ATG4B: variants seen among roughly 807,000 people sequenced by gnomAD.
ATG4B encodes the protein cysteine protease ATG4B.
ATG4B carries 29 observed loss-of-function variants against 56.6 expected under a neutral mutation model. That is an observed-to-expected ratio of 0.51 (90% CI 0.38 to 0.70). ATG4B has a LOEUF of 0.70. Ranked by LOEUF, ATG4B falls within the 30% of genes least tolerant of loss-of-function variation. The pLI is 0.00. For missense variants in ATG4B, 461 were observed against 515.5 expected (o/e 0.89, Z 1.02); for synonymous variants, 224 against 206.1 (o/e 1.09, Z -0.74).
In ATG4B at chr2:241,653,557, G is replaced by A. The variant is rs373742405; in HGVS notation, c.230G>A (p.Arg77Gln). 4 of 1,583,028 alleles carry A rather than the reference G, an allele frequency of 2.5e-6. No homozygotes were observed. Among genetic ancestry groups the A allele is most frequent in the Admixed American group, 1.8e-5 (1 of 55,414 alleles). Residue 77 changes from arginine to glutamine, a missense_variant, in exon 4 of 13, where the codon CGG becomes CAG. Arg to Gln is a conservative substitution (Grantham distance 43). Transcript: ENST00000404914. ...GACACAGGCTGGGGCTGCATGCTGC[G>A]GTGTGGACAGATGATCTTTGCCCAA... ...TSDTGWGCML[R>Q]CGQMIFAQAL... is the part of the protein sequence containing the mutation.
At chr2:241,641,095 G>T (rs142862534) in intron 1 of ATG4B, among the ~76,000 whole-genome samples, 1 of 152,220 alleles carries the variant, frequency 6.6e-6, no homozygotes, top group East Asian at 1.9e-4. Flanking sequence ...CCAGCAAGGA[G>T]ATGCCAGTGG....
In ATG4B at chr2:241,668,341, G is replaced by C. The variant is rs1196485688; in HGVS notation, c.811+120G>C. 7.2e-7 allele frequency: 1 copy of C among 1,394,986 alleles called. No homozygotes were observed. Among genetic ancestry groups the C allele is most frequent in the Non-Finnish European group, 9.9e-7 (1 of 1,008,128 alleles). The allele number at this position is 1,394,986 out of a possible 1,614,324, so 86.4% of individuals were successfully genotyped here. A position where few individuals can be genotyped will look rare whatever the true frequency, so the allele number is the denominator to read the frequency against. ...ACTGGTGGAAAAGCAGCATGCCCTG[G>C]GGTTCATTTTCAGCCTGGTCGCGGG... On this transcript the variant is annotated intron_variant, in intron 9 of 12. Coordinates refer to ENST00000404914, the MANE Select transcript of ATG4B (RefSeq NM_013325.5). The surrounding 1 kb of genome is among the most constrained non-coding windows in gnomAD (Gnocchi z 4.2).
At chr2:241,664,349 T>C (rs1168515967) in intron 7 of ATG4B, among the ~76,000 whole-genome samples, 1 of 151,802 alleles carries the variant, frequency 6.6e-6, no homozygotes, top group Admixed American at 6.6e-5. Context: ...CTAGGTAACA[T>C]GGTAAAACCT....
intron 8 of ATG4B, 135 bp downstream of exon 8, chr2:241,666,973 C>A: frequency 9.5e-7 from 1 of 1,054,556 alleles, no homozygotes; most frequent in Non-Finnish European, 1.4e-6. Flanking sequence ...CCCTGGTTTA[C>A]ACCGTTGCCC....
Position 241,672,221 on chromosome 2 carries a change from T to A in ATG4B, c.1139T>A (p.Phe380Tyr). The change falls in exon 13 of 13, where the codon TTC (phenylalanine) becomes TAC (tyrosine). Residue 380 changes from phenylalanine (F) to tyrosine (Y), a missense_variant. By Grantham distance (22) the Phe-to-Tyr change is conservative. Coordinates refer to ENST00000404914, the MANE Select transcript of ATG4B (RefSeq NM_013325.5). ...TCTGATGTAGAGCGACTGGAAAGAT[T>A]CTTCGACTCAGAAGATGAAGACTTT... is the stretch of plus-strand genomic sequence containing the variant. Reference protein sequence around the residue: ...DSSDVERLERFFDSEDEDFEI... With the variant: ...DSSDVERLERYFDSEDEDFEI... The A allele has an allele frequency of 1.3e-6, 2 of 1,586,680 alleles. No individual in the cohort carries two copies. Among genetic ancestry groups the A allele is most frequent in the South Asian group, 1.2e-5 (1 of 86,862 alleles).
intron 7 of ATG4B, among the ~76,000 whole-genome samples, chr2:241,664,437 C>CT: frequency 6.6e-6 from 1 of 152,160 alleles, no homozygotes; most frequent in East Asian, 1.9e-4. Context: ...ACTCGGGAGT[C>CT]TGAGGTGGGA....
chr2:241,644,957 A>AAG (rs2068018826), intron 1 of ATG4B, among the ~76,000 whole-genome samples: 1 of 152,002 alleles, frequency 6.6e-6, no homozygotes, highest in African/African-American at 2.4e-5. Context: ...CAAAAAAAAA[A>AAG]AAAGAAAGAA....
At position 241,668,717 on chromosome 2, in the gene ATG4B, TTGG is replaced by T. The variant is rs1257916282; in HGVS notation, c.957+35_957+37del. 1 of 1,550,180 alleles carries T rather than the reference TTGG, an allele frequency of 6.5e-7. No homozygotes were observed. Among genetic ancestry groups the T allele is most frequent in the Non-Finnish European group, 8.7e-7 (1 of 1,151,340 alleles). ...GGCGGCCACCTGAGCACACAGGCAT[TTGG>T]TGCTGAATGCTGTTTGGGAATGACG... is the stretch of plus-strand genomic sequence containing the variant. On this transcript the variant is annotated intron_variant, in intron 10 of 12. Coordinates refer to ENST00000404914, the MANE Select transcript of ATG4B (RefSeq NM_013325.5). The surrounding 1 kb of genome is among the most constrained non-coding windows in gnomAD (Gnocchi z 4.2).
chr2:241,650,449 A>G (rs2068195851), intron 1 of ATG4B, among the ~76,000 whole-genome samples: 1 of 152,050 alleles, frequency 6.6e-6, no homozygotes, highest in Non-Finnish European at 1.5e-5. Flanking sequence ...CTTGCCCCGG[A>G]GCATCTGCCT....
rs538518062 is a variant in ATG4B, at chr2:241,653,290, G to C, written c.185-222G>C. On this transcript the variant is annotated intron_variant, in intron 3 of 12. Transcript: ENST00000404914. ...TGCTCCGTGACTGACTTGTTCATGT[G>C]TTTTGCCCATTTTGAGGAGGTTGTC... The C allele has an allele frequency of 2.0e-6, 3 of 1,523,196 alleles. No individual in the cohort carries two copies. The South Asian group carries it at 3.6e-5, about 18-fold the overall frequency. 94.4% of individuals were successfully genotyped at this position (1,523,196 alleles called of 1,614,324 possible).
intron 8 of ATG4B, 45 bp downstream of exon 8, chr2:241,666,883 C>G (rs990302503): frequency 4.6e-6 from 7 of 1,522,818 alleles, no homozygotes; most frequent in Non-Finnish European, 4.4e-6. Context: ...CCGTCCCCTT[C>G]TCCCAGTTCT....
intron 7 of ATG4B, chr2:241,659,636 C>T (rs1416410998): frequency 6.3e-6 from 2 of 317,240 alleles, no homozygotes; most frequent in Admixed American, 4.8e-5. Flanking sequence ...TGCTGCAACC[C>T]TGAAGGAACC....
intron 7 of ATG4B, 126 bp downstream of exon 7, chr2:241,659,313 C>G: frequency 2.4e-6 from 2 of 834,214 alleles, no homozygotes; most frequent in Non-Finnish European, 4.0e-6. Context: ...TGCAGGTGCT[C>G]CGTGGGGCCT....
intron 1 of ATG4B, among the ~76,000 whole-genome samples, chr2:241,643,814 T>C (rs1374494414): frequency 6.6e-6 from 1 of 151,354 alleles, no homozygotes; most frequent in Non-Finnish European, 1.5e-5. Context: ...CCACCCACCT[T>C]GGCCTCCTAA....
In ATG4B at chr2:241,666,688, G is replaced by A. The variant is rs569190687; in HGVS notation, c.582G>A (p.Ala194=). The A allele has an allele frequency of 5.0e-5, 81 of 1,613,408 alleles. 2 individuals carry two copies. In the East Asian group the frequency reaches 1.1e-3, roughly 22 times the overall value. The change falls in exon 8 of 13, where the codon GCG becomes GCA. Residue 194 remains alanine (A), a synonymous_variant. Coordinates refer to ENST00000404914, the MANE Select transcript of ATG4B (RefSeq NM_013325.5). Reference sequence around the variant, plus strand: ...GCGTTCCCTGTGCAGGCGCCACTGCGTTTCCTGCAGATTCCGACCGGCACT... The same window carrying A: ...GCGTTCCCTGTGCAGGCGCCACTGCATTTCCTGCAGATTCCGACCGGCACT... ...RTSVPCAGAT[A]FPADSDRHCN...
intron 12 of ATG4B, chr2:241,671,977 T>A (rs2068991444): frequency 1.4e-6 from 2 of 1,409,342 alleles, no homozygotes; most frequent in Non-Finnish European, 1.8e-6. Context: ...GGCCGCCCCC[T>A]GCCCTCCTCA....
Position 241,673,312 on chromosome 2 carries a change from TC to T in ATG4B, c.*1051del, listed in dbSNP as rs1366705361. On this transcript the variant is annotated 3_prime_UTR_variant, in exon 13 of 13. Coordinates refer to ENST00000404914, the MANE Select transcript of ATG4B (RefSeq NM_013325.5). ...CCGCCTGACCCTGTGTAACCTGCTG[TC>T]CCGGGTCCCAGAGTGCACTCTGCCC... 6 of 350,136 alleles carry T rather than the reference TC, an allele frequency of 1.7e-5. No individual in the cohort carries two copies. Among genetic ancestry groups the T allele is most frequent in the Non-Finnish European group, 3.4e-5 (6 of 176,196 alleles). The allele number at this position is 350,136 out of a possible 1,614,324, so 21.7% of individuals were successfully genotyped here. A position where few individuals can be genotyped will look rare whatever the true frequency, so the allele number is the denominator to read the frequency against.
Position 241,672,592 on chromosome 2 carries a change from T to C in ATG4B, c.*328T>C, listed in dbSNP as rs2069019282. 1 of 355,772 alleles carries C rather than the reference T, an allele frequency of 2.8e-6. No homozygotes were observed. The highest frequency in any genetic ancestry group is 5.2e-6 in the Non-Finnish European group (1 of 192,036). 22.0% of individuals were successfully genotyped at this position (355,772 alleles called of 1,614,324 possible). A position where few individuals can be genotyped will look rare whatever the true frequency, so the allele number is the denominator to read the frequency against. On this transcript the variant is annotated 3_prime_UTR_variant, in exon 13 of 13. Coordinates refer to ENST00000404914, the MANE Select transcript of ATG4B (RefSeq NM_013325.5). The stretch of plus-strand genomic sequence containing the variant: ...CACTTGCTCCCAGGCGCCGGTTCTG[T>C]GGTTGGTTTGGAATTAAAGTCCTGT...
intron 6 of ATG4B, among the ~76,000 whole-genome samples, chr2:241,657,457 A>G (rs1559261231): frequency 6.6e-6 from 1 of 151,084 alleles, no homozygotes; most frequent in Non-Finnish European, 1.5e-5. Context: ...GGCACATGCC[A>G]CCATGCCCAA....
Sources: gnomAD v4.1 joint callset for allele counts (sites outside exome capture counted in the v4.1 genomes callset) on GRCh38, gnomAD v4.1.1 for gene constraint, Gnocchi (gnomAD v3.1) non-coding constraint, MANE v1.5 for transcripts, NCBI Gene and HGNC (gene_info 2026-07-23, HGNC 2026-07-21) for gene names.